Variants in C12orf56 observed in about 807,000 individuals in gnomAD.
C12orf56 encodes uncharacterized protein C12orf56.
A neutral mutation model predicts 69.9 loss-of-function variants in C12orf56; 71 were observed. That is an observed-to-expected ratio of 1.02 (90% CI 0.84 to 1.24). The LOEUF is 1.24. Ranked by LOEUF, C12orf56 falls within the 50% of genes most tolerant of loss-of-function variation. The pLI is 0.00. For synonymous variants in C12orf56, 276 were observed against 274.1 expected, an observed-to-expected ratio of 1.01 and a Z score of -0.07; for missense variants, 732 against 738.5, an observed-to-expected ratio of 0.99 and a Z score of 0.10.
intron 3 of C12orf56, among the ~76,000 whole-genome samples, 161 bp downstream of exon 3, chr12:64,330,799 A>G (rs1592459998): frequency 6.6e-6 from 1 of 152,340 alleles, no homozygotes; most frequent in Non-Finnish European, 1.5e-5. Flanking sequence ...TTGAATTGAG[A>G]AAAAGTTCTC....
chr12:64,304,009 T>G (rs1050582617), intron 5 of C12orf56, among the ~76,000 whole-genome samples: 1 of 152,208 alleles, frequency 6.6e-6, no homozygotes, highest in African/African-American at 2.4e-5. Flanking sequence ...ACTCAAGCTG[T>G]TCCTATACCA....
At chr12:64,329,198 A>G (rs1202035974) in intron 3 of C12orf56, among the ~76,000 whole-genome samples, 2 of 152,136 alleles carry the variant, frequency 1.3e-5, no homozygotes, top group African/African-American at 4.8e-5. Flanking sequence ...AGCTTAACCT[A>G]TTTAAACCAG....
intron 5 of C12orf56, among the ~76,000 whole-genome samples, chr12:64,308,940 G>GAAAGAAGGAAGAAAGAAAGA (rs35488127): frequency 1.2e-5 from 1 of 80,828 alleles, no homozygotes; most frequent in Non-Finnish European, 2.5e-5. Flanking sequence ...AAGAAAGAAA[G>GAAAGAAGGAAGAAAGAAAGA]AAGAAAGAAA....
At chr12:64,357,414 T>C (rs925191481) in intron 1 of C12orf56, among the ~76,000 whole-genome samples, 1 of 150,162 alleles carries the variant, frequency 6.7e-6, no homozygotes, top group African/African-American at 2.4e-5. Context: ...CTTTTTTTTT[T>C]CTTTCTTTTT....
intron 3 of C12orf56, among the ~76,000 whole-genome samples, chr12:64,329,030 A>G (rs898724419): frequency 6.6e-6 from 1 of 151,384 alleles, no homozygotes; most frequent in African/African-American, 2.4e-5. Flanking sequence ...ACACCACTGC[A>G]CCCCAGCCTG....
intron 1 of C12orf56, among the ~76,000 whole-genome samples, chr12:64,359,254 A>G (rs1024820473): frequency 2.0e-5 from 3 of 152,118 alleles, no homozygotes; most frequent in Admixed American, 6.6e-5. Context: ...GTCCTATTAT[A>G]TTTCTCCATG....
intron 1 of C12orf56, among the ~76,000 whole-genome samples, chr12:64,365,906 TG>T (rs1216700365): frequency 7.4e-6 from 1 of 134,392 alleles, no homozygotes; most frequent in African/African-American, 2.8e-5. Context: ...TTATACATTA[TG>T]TATAGTGTAT....
chr12:64,294,568 C>G lies in C12orf56; in HGVS notation c.1114-8508G>C, dbSNP rs562628836. 6.6e-4 allele frequency among the ~76,000 whole-genome samples: 101 copies of G among 152,110 alleles called. 1 individual carries two copies. Among genetic ancestry groups the G allele is most frequent in the African/African-American group, 2.3e-3 (94 of 41,490 alleles). On this transcript the variant is annotated intron_variant, in intron 6 of 12. Transcript: ENST00000543942. ...GAGAACATTATGCTAGGTGAAATCT[C>G]AGTCACAAAAAGACAAGTACTATAT...
intron 2 of C12orf56, among the ~76,000 whole-genome samples, chr12:64,343,062 A>C (rs1176257466): frequency 6.6e-6 from 1 of 152,112 alleles, no homozygotes; most frequent in Non-Finnish European, 1.5e-5. Flanking sequence ...CACCCAAATG[A>C]GGGATGTCTT....
Position 64,308,980 on chromosome 12 carries a change from G to GAAAGAAAGAGAAAGAAAGA in C12orf56, c.968+3698_968+3699insTCTTTCTTTCTCTTTCTTT, listed in dbSNP as rs1555188292. Among the ~76,000 whole-genome samples, 591 of 121,668 alleles carry GAAAGAAAGAGAAAGAAAGA rather than the reference G, an allele frequency of 4.9e-3. 18 individuals are homozygous for GAAAGAAAGAGAAAGAAAGA. The highest frequency in any genetic ancestry group is 0.016 in the African/African-American group (554 of 34,536). 79.8% of individuals were successfully genotyped at this position (121,668 alleles called of 152,430 possible). A position where few individuals can be genotyped will look rare whatever the true frequency, so the allele number is the denominator to read the frequency against. ...GAAAGAAAGAAAGAAAGAAAAGAAA[G>GAAAGAAAGAGAAAGAAAGA]AAAGAAAAGAAAGAAGGAAAGAAAG... On this transcript the variant is annotated intron_variant, in intron 5 of 12. Transcript: ENST00000543942.
At chr12:64,378,885 A>G (rs1337668939) in intron 1 of C12orf56, among the ~76,000 whole-genome samples, 1 of 151,902 alleles carries the variant, frequency 6.6e-6, no homozygotes, top group Non-Finnish European at 1.5e-5. Flanking sequence ...ATCCCGTCTC[A>G]GTTAAAAATA....
At chr12:64,304,823 G>C (rs1261982537) in intron 5 of C12orf56, among the ~76,000 whole-genome samples, 2 of 151,912 alleles carry the variant, frequency 1.3e-5, no homozygotes, top group African/African-American at 2.4e-5. Context: ...AGGAAGTTGT[G>C]GGGGGGTTTA....
At chr12:64,334,620 CT>C (rs996266278) in intron 2 of C12orf56, among the ~76,000 whole-genome samples, 6 of 151,964 alleles carry the variant, frequency 3.9e-5, no homozygotes, top group South Asian at 2.1e-4. Context: ...ACAGATGCAA[CT>C]TTTTTTTAGT....
At chr12:64,369,122 C>T (rs959481111) in intron 1 of C12orf56, among the ~76,000 whole-genome samples, 1 of 143,984 alleles carries the variant, frequency 6.9e-6, no homozygotes, top group Non-Finnish European at 1.5e-5. Flanking sequence ...AAGTCAAAAC[C>T]AACCTGGGCA....
Position 64,345,371 on chromosome 12 carries a change from G to T in C12orf56, c.415+7523C>A, listed in dbSNP as rs73311865. Among the ~76,000 whole-genome samples, 323 of 152,286 alleles carry T rather than the reference G, an allele frequency of 2.1e-3. 2 individuals are homozygous for T. Among genetic ancestry groups the T allele is most frequent in the African/African-American group, 7.2e-3 (301 of 41,560 alleles). On this transcript the variant is annotated intron_variant, in intron 2 of 12. Coordinates refer to ENST00000543942, the MANE Select transcript of C12orf56 (RefSeq NM_001170633.2). ...AAGACTGATGGCAGCATGGATCAGG[G>T]ATGGGATGTTGCCATTACTGGGGCT...
At position 64,390,518 on chromosome 12, in the gene C12orf56, G is replaced by A; in HGVS notation, c.48C>T (p.Arg16=). ...GATGCCGCCGCAGGAACACATCCAG[G>A]CGGCTGTTCCTGCGCGCGGGGAAGC... is the stretch of plus-strand genomic sequence containing the variant. ...PSGFPARRNS[R]LDVFLRRHLP... Residue 16 remains arginine (R), a synonymous_variant, in exon 1 of 13, where the codon CGC becomes CGT. Transcript: ENST00000543942. 1 of 1,598,732 alleles carries A rather than the reference G, an allele frequency of 6.3e-7. No homozygotes were observed. The highest frequency in any genetic ancestry group is 8.5e-7 in the Non-Finnish European group (1 of 1,178,882).
intron 11 of C12orf56, among the ~76,000 whole-genome samples, chr12:64,272,433 A>G (rs5015814): frequency 3.3e-5 from 5 of 151,610 alleles, no homozygotes; most frequent in African/African-American, 4.9e-5. Context: ...TGAACCCAGG[A>G]GGTGGAGGTT....
intron 1 of C12orf56, among the ~76,000 whole-genome samples, chr12:64,362,787 GA>G (rs1377514748): frequency 3.3e-5 from 5 of 152,126 alleles, no homozygotes. Flanking sequence ...ATGCTAAACA[GA>G]GGGTGGATTA....
chr12:64,274,795 A>T (rs570916895), intron 11 of C12orf56, 106 bp downstream of exon 11: 2 of 881,082 alleles, frequency 2.3e-6, no homozygotes, highest in East Asian at 5.3e-5. Context: ...TCTGGTTGAT[A>T]AACTTGATTA....
Sources: gnomAD v4.1 joint callset for allele counts (sites outside exome capture counted in the v4.1 genomes callset) on GRCh38, gnomAD v4.1.1 for gene constraint, MANE v1.5 for transcripts, NCBI Gene and HGNC (gene_info 2026-07-23, HGNC 2026-07-21) for gene names.